TCEA1: variants seen among roughly 807,000 people sequenced by gnomAD.
The protein encoded by TCEA1 is transcription elongation factor A1, also known as transcription elongation factor A protein 1.
Under a neutral mutation model 43.8 loss-of-function variants are expected in TCEA1, and 21 were observed. The ratio of observed to expected loss-of-function variants is 0.48; its 90% confidence interval spans 0.34 to 0.69. The LOEUF (loss-of-function observed/expected upper bound fraction) is 0.69, where lower values mean the gene tolerates loss of function less well. Among genes scored for constraint, TCEA1 ranks in the 30% least tolerant of loss-of-function variants. The probability of loss-of-function intolerance (pLI) is 0.01; values close to 1 mark genes in which losing one functional copy is unlikely to be tolerated. For synonymous variants in TCEA1, 104 were observed against 117.5 expected (o/e 0.88, Z 0.75); for missense variants, 250 against 365.1 (o/e 0.68, Z 2.57).
intron 1 of TCEA1, 176 bp downstream of exon 1, chr8:54,021,887 C>G: frequency 2.1e-6 from 1 of 468,282 alleles, no homozygotes; most frequent in Non-Finnish European, 3.6e-6. Context: ...CGCAGGTTGC[C>G]GCGGGACCCG....
intron 8 of TCEA1, chr8:53,978,810 A>G (rs916420155): frequency 9.1e-6 from 4 of 437,408 alleles, no homozygotes; most frequent in Non-Finnish European, 1.6e-5. Context: ...TAATTTATAA[A>G]TAAAACTTAT....
intron 2 of TCEA1, among the ~76,000 whole-genome samples, chr8:54,009,039 G>A (rs1053050397): frequency 2.6e-5 from 4 of 151,440 alleles, no homozygotes; most frequent in East Asian, 1.9e-4. Flanking sequence ...TAGTAGTGAC[G>A]GTGTTTTACC....
chr8:53,984,310 C>T (rs957539579), intron 7 of TCEA1, 53 bp downstream of exon 7: 4 of 1,502,742 alleles, frequency 2.7e-6, no homozygotes, highest in Non-Finnish European at 2.7e-6. Context: ...ATAGGCTTTA[C>T]ACTTCACAAC....
intron 2 of TCEA1, among the ~76,000 whole-genome samples, chr8:54,007,015 G>A (rs936882720): frequency 5.9e-5 from 9 of 151,996 alleles, no homozygotes; most frequent in Admixed American, 2.6e-4. Context: ...TAATTTTTTT[G>A]TATTTTTAAT....
chr8:54,010,618 G>T, intron 1 of TCEA1, 126 bp from the exon 2 acceptor site: 1 of 658,598 alleles, frequency 1.5e-6, no homozygotes, highest in South Asian at 2.0e-5. Context: ...AGGAGCAACA[G>T]CACCACCTAT....
At position 53,979,027 on chromosome 8, in the gene TCEA1, G is replaced by C; in HGVS notation, c.823C>G (p.Gln275Glu). Residue 275 changes from glutamine (Q) to glutamate (E), a missense_variant and splice_region_variant, in exon 8 of 10, where the codon CAG becomes GAG. Coordinates refer to ENST00000521604, the MANE Select transcript of TCEA1 (RefSeq NM_006756.4). ...KCKKKNCTYT[Q>E]VQTRSADEPM... ...AGAATCTATAAACAATCACAAACCTGTGTGTAAGTGCAATTCTTCTTTTTA... is the reference window on the plus strand; with the variant it reads ...AGAATCTATAAACAATCACAAACCTCTGTGTAAGTGCAATTCTTCTTTTTA... The C allele has an allele frequency of 6.2e-7, 1 of 1,609,102 alleles. No individual in the cohort carries two copies. Among genetic ancestry groups the C allele is most frequent in the South Asian group, 1.1e-5 (1 of 90,418 alleles).
At chr8:53,975,737 G>A (rs923035582) in intron 8 of TCEA1, among the ~76,000 whole-genome samples, 3 of 152,164 alleles carry the variant, frequency 2.0e-5, no homozygotes, top group African/African-American at 4.8e-5. Flanking sequence ...GCTGGGGAGA[G>A]GGGAATGGGG....
rs577071889 is a variant in TCEA1 at position 54,015,779 on chromosome 8, C to T, written c.64-5287G>A. 1.1e-4 allele frequency among the ~76,000 whole-genome samples: 16 copies of T among 152,092 alleles called. No individual in the cohort carries two copies. The South Asian group carries it at 3.3e-3, about 32-fold the overall frequency. On this transcript the variant is annotated intron_variant, in intron 1 of 9. Coordinates refer to ENST00000521604, the MANE Select transcript of TCEA1 (RefSeq NM_006756.4). The stretch of plus-strand genomic sequence containing the variant: ...TACAACTCAATAATAAAAAGACAAC[C>T]CAATTTAAAAATGGACTAATCCAAT...
chr8:53,984,292 T>C, intron 7 of TCEA1, 71 bp downstream of exon 7: 2 of 1,394,948 alleles, frequency 1.4e-6, no homozygotes, highest in South Asian at 3.0e-5. Flanking sequence ...TAGTAGTCTA[T>C]GATGATAATA....
At chr8:54,013,066 A>T in intron 1 of TCEA1, among the ~76,000 whole-genome samples, 1 of 152,100 alleles carries the variant, frequency 6.6e-6, no homozygotes, top group Admixed American at 6.6e-5. Flanking sequence ...ACTTCTGACC[A>T]AGAATCTCTT....
chr8:54,013,680 CAAAAAAAAAAAAA>C (rs5891511), intron 1 of TCEA1, among the ~76,000 whole-genome samples: 1 of 65,298 alleles, frequency 1.5e-5, no homozygotes, highest in African/African-American at 5.4e-5. Flanking sequence ...AACTCCATCT[CAAAAAAAAAAAAA>C]AAAAAAAAAC....
chr8:54,022,102 A>G lies in TCEA1; in HGVS notation c.24T>C (p.Phe8=). The G allele has an allele frequency of 6.4e-7, 1 of 1,570,310 alleles. No individual in the cohort carries two copies. Among genetic ancestry groups the G allele is most frequent in the Non-Finnish European group, 8.7e-7 (1 of 1,154,896 alleles). ...GCACCATCTTGTCCATCTTCTTGGC[A>G]AAGCGGACCACTTCGTCCTCCATGG... MEDEVVR[F]AKKMDKMVQK... is the part of the protein sequence containing the mutation. Residue 8 remains phenylalanine, a synonymous_variant, in exon 1 of 10, where the codon TTT becomes TTC. Transcript: ENST00000521604.
chr8:54,010,193 C>T (rs761194564), intron 2 of TCEA1: 3 of 396,788 alleles, frequency 7.6e-6, no homozygotes, highest in Non-Finnish European at 8.9e-6. Context: ...AGTGAGATTT[C>T]ACTGCTACTG....
At chr8:54,005,301 T>C (rs1202301551) in intron 2 of TCEA1, among the ~76,000 whole-genome samples, 2 of 152,214 alleles carry the variant, frequency 1.3e-5, no homozygotes, top group African/African-American at 2.4e-5. Flanking sequence ...ATATTTCAAG[T>C]GCTCAATAGC....
chr8:54,009,023 T>A (rs1481493561), intron 2 of TCEA1, among the ~76,000 whole-genome samples: 1 of 151,896 alleles, frequency 6.6e-6, no homozygotes, highest in Non-Finnish European at 1.5e-5. Context: ...CTAATTTTTG[T>A]ATTTTTAGTA....
Position 54,022,326 on chromosome 8 carries a change from C to T in TCEA1, c.-201G>A, listed in dbSNP as rs1805078578. 4.7e-6 allele frequency: 3 copies of T among 634,828 alleles called. No homozygotes were observed. Among genetic ancestry groups the T allele is most frequent in the Non-Finnish European group, 8.2e-6 (3 of 367,236 alleles). The allele number at this position is 634,828 out of a possible 1,614,324, so 39.3% of individuals were successfully genotyped here. A position where few individuals can be genotyped will look rare whatever the true frequency, so the allele number is the denominator to read the frequency against. On this transcript the variant is annotated 5_prime_UTR_variant, in exon 1 of 10. Transcript: ENST00000521604. ...GCTCCGGCTCCTCCTCCCCAGGCAG[C>T]GACAATCGAACACCGCGCGCGACGT...
At chr8:53,999,099 C>G (rs1006068298) in intron 3 of TCEA1, among the ~76,000 whole-genome samples, 7 of 151,344 alleles carry the variant, frequency 4.6e-5, no homozygotes, top group South Asian at 2.1e-4. Flanking sequence ...GTGGTGGCGG[C>G]CACCTGTAGT....
rs540240214 is a variant in TCEA1, at chr8:54,015,560, C to T, written c.64-5068G>A. ...GCTAGGACTTATGATATTACTATGTCATCTCAAATTTGCAGTTAAACTACA... is the reference window on the plus strand; with the variant it reads ...GCTAGGACTTATGATATTACTATGTTATCTCAAATTTGCAGTTAAACTACA... On this transcript the variant is annotated intron_variant, in intron 1 of 9. Transcript: ENST00000521604. 7.4e-4 allele frequency among the ~76,000 whole-genome samples: 112 copies of T among 152,198 alleles called. 2 individuals carry two copies. The highest frequency in any genetic ancestry group is 2.4e-3 in the African/African-American group (101 of 41,546).
At chr8:54,020,698 T>TGTGAGTC (rs774958302) in intron 1 of TCEA1, among the ~76,000 whole-genome samples, 28 of 152,346 alleles carry the variant, frequency 1.8e-4, no homozygotes, top group Admixed American at 6.5e-4. Context: ...CACAGCTCTG[T>TGTGAGTC]GTGAGTCACA....
Sources: gnomAD v4.1 joint callset for allele counts (sites outside exome capture counted in the v4.1 genomes callset) on GRCh38, gnomAD v4.1.1 for gene constraint, MANE v1.5 for transcripts, NCBI Gene and HGNC (gene_info 2026-07-23, HGNC 2026-07-21) for gene names.